The following RB1CC1 variants were observed in gnomAD, a reference collection of about 807,000 sequenced individuals.
RB1CC1 encodes RB1-inducible coiled-coil protein 1.
Under a neutral mutation model 177.5 loss-of-function variants are expected in RB1CC1, and 46 were observed. The ratio of observed to expected loss-of-function variants is 0.26; its 90% confidence interval spans 0.20 to 0.33. RB1CC1 has a LOEUF of 0.33. Ranked by LOEUF, RB1CC1 falls within the 10% of genes least tolerant of loss-of-function variation. RB1CC1 has a pLI of 1.00. For missense variants in RB1CC1, 1,703 were observed against 1,816.3 expected (o/e 0.94, Z 1.13); for synonymous variants, 666 against 613.6 (o/e 1.09, Z -1.26).
Position 52,623,698 on chromosome 8 carries a change from G to T in RB1CC1, c.*84C>A. 2 of 950,194 alleles carry T rather than the reference G, an allele frequency of 2.1e-6. No homozygotes were observed. Among genetic ancestry groups the T allele is most frequent in the Non-Finnish European group, 3.4e-6 (2 of 587,262 alleles). 58.9% of individuals were successfully genotyped at this position (950,194 alleles called of 1,614,324 possible). On this transcript the variant is annotated 3_prime_UTR_variant, in exon 24 of 24. Transcript: ENST00000025008. ...ACGCTGACTTTTGCATAAAAAGATG[G>T]CCTGCTGTTTTTGGAGTGATGAATG...
chr8:52,694,610 A>G (rs1210251352), intron 1 of RB1CC1, among the ~76,000 whole-genome samples: 1 of 152,152 alleles, frequency 6.6e-6, no homozygotes, highest in Admixed American at 6.5e-5. Context: ...CCAAAGCTTA[A>G]GCAACTACAG....
intron 1 of RB1CC1, among the ~76,000 whole-genome samples, chr8:52,711,712 G>C (rs993382573): frequency 1.3e-5 from 2 of 152,194 alleles, no homozygotes; most frequent in African/African-American, 4.8e-5. Context: ...TTGTGAGTTA[G>C]AGCACATTAG....
intron 22 of RB1CC1, among the ~76,000 whole-genome samples, chr8:52,626,989 AGG>A (rs1848442983): frequency 1.3e-5 from 2 of 152,150 alleles, no homozygotes; most frequent in African/African-American, 4.8e-5. Context: ...CAGGAGTTCA[AGG>A]CTACAGTGAC....
At position 52,646,679 on chromosome 8, in the gene RB1CC1, AAG is replaced by A. The variant is rs970334537; in HGVS notation, c.3822-814_3822-813del. Reference sequence around the variant, plus strand: ...TCCTGAACTCATACTCATTTTCCTCAAGACTTACTAACCTCTTAGGGGTTGCT... The same window carrying A: ...TCCTGAACTCATACTCATTTTCCTCAACTTACTAACCTCTTAGGGGTTGCT... On this transcript the variant is annotated intron_variant, in intron 15 of 23. Transcript: ENST00000025008. Among the ~76,000 whole-genome samples, 119 of 152,316 alleles carry A rather than the reference AAG, an allele frequency of 7.8e-4. 1 individual carries two copies. The highest frequency in any genetic ancestry group is 2.7e-3 in the African/African-American group (114 of 41,576).
intron 1 of RB1CC1, among the ~76,000 whole-genome samples, chr8:52,712,637 A>C (rs1857156753): frequency 6.6e-6 from 1 of 152,184 alleles, no homozygotes; most frequent in African/African-American, 2.4e-5. Context: ...AGACTAAATA[A>C]AATTACTTTA....
intron 5 of RB1CC1, among the ~76,000 whole-genome samples, chr8:52,680,994 G>GTGTGTGTGTTT (rs150810028): frequency 2.3e-5 from 3 of 128,626 alleles, no homozygotes; most frequent in African/African-American, 9.5e-5. Context: ...GTGTGTGTGT[G>GTGTGTGTGTTT]TTTTTTTTTT....
At chr8:52,670,496 T>C (rs1852472431) in intron 7 of RB1CC1, among the ~76,000 whole-genome samples, 2 of 152,188 alleles carry the variant, frequency 1.3e-5, no homozygotes, top group Non-Finnish European at 2.9e-5. Flanking sequence ...CTTAAGCCTC[T>C]GACCTTTAAA....
At chr8:52,702,588 C>T (rs1370157824) in intron 1 of RB1CC1, among the ~76,000 whole-genome samples, 5 of 152,020 alleles carry the variant, frequency 3.3e-5, no homozygotes, top group Admixed American at 1.3e-4. Flanking sequence ...TGCTGGCTCT[C>T]GCCTGTAATC....
intron 7 of RB1CC1, among the ~76,000 whole-genome samples, chr8:52,668,446 AT>A (rs1852266124): frequency 6.6e-6 from 1 of 152,210 alleles, no homozygotes; most frequent in African/African-American, 2.4e-5. Context: ...CAGTGCTACA[AT>A]TTAATCACTT....
intron 21 of RB1CC1, among the ~76,000 whole-genome samples, 171 bp downstream of exon 21, chr8:52,630,299 A>G (rs894304364): frequency 2.6e-5 from 4 of 152,192 alleles, no homozygotes; most frequent in African/African-American, 7.2e-5. Context: ...TGTTTCCAGA[A>G]TAACAATTTA....
intron 1 of RB1CC1, among the ~76,000 whole-genome samples, chr8:52,710,447 G>A (rs1216948702): frequency 6.6e-6 from 1 of 152,080 alleles, no homozygotes; most frequent in East Asian, 1.9e-4. Flanking sequence ...CACCCTTCAG[G>A]TTTTTTTCCC....
At chr8:52,684,154 A>C (rs2150597016) in intron 3 of RB1CC1, 141 bp from the exon 4 acceptor site, 1 of 1,000,430 alleles carries the variant, frequency 1.0e-6, no homozygotes, top group East Asian at 2.9e-5. Context: ...TAAAAATATA[A>C]GCTTCCTATT....
At chr8:52,666,876 C>T (rs1226720070) in intron 8 of RB1CC1, among the ~76,000 whole-genome samples, 3 of 151,902 alleles carry the variant, frequency 2.0e-5, no homozygotes, top group Middle Eastern at 3.2e-3. Flanking sequence ...GTAAATGAAA[C>T]GGATATGGTG....
intron 16 of RB1CC1, among the ~76,000 whole-genome samples, chr8:52,644,536 G>A (rs1012876719): frequency 3.7e-4 from 57 of 152,222 alleles, no homozygotes; most frequent in African/African-American, 1.3e-3. Flanking sequence ...TTAGAGAGAG[G>A]TTACTACTGA....
intron 18 of RB1CC1, among the ~76,000 whole-genome samples, chr8:52,640,370 C>T (rs983473520): frequency 1.3e-5 from 2 of 152,098 alleles, no homozygotes; most frequent in Non-Finnish European, 2.9e-5. Flanking sequence ...TAGAAAAGAG[C>T]ATTTTGAATG....
chr8:52,701,909 C>G (rs1856103553), intron 1 of RB1CC1, among the ~76,000 whole-genome samples: 1 of 152,028 alleles, frequency 6.6e-6, no homozygotes, highest in Admixed American at 6.6e-5. Flanking sequence ...CGGGTTCAAG[C>G]AATTCTCCCT....
At chr8:52,660,762 T>C in intron 11 of RB1CC1, 105 bp from the exon 12 acceptor site, 1 of 1,196,156 alleles carries the variant, frequency 8.4e-7, no homozygotes, top group Non-Finnish European at 1.2e-6. Context: ...GTACTTCAAG[T>C]TTAAAATTTA....
intron 18 of RB1CC1, among the ~76,000 whole-genome samples, chr8:52,638,085 T>C (rs1849288408): frequency 6.6e-6 from 1 of 152,200 alleles, no homozygotes; most frequent in Admixed American, 6.5e-5. Context: ...GGGAAAAGCA[T>C]TCAGTCTTAC....
intron 1 of RB1CC1, among the ~76,000 whole-genome samples, chr8:52,707,688 C>G (rs1856704700): frequency 1.3e-5 from 2 of 152,114 alleles, no homozygotes. Flanking sequence ...TCCCTAGCAC[C>G]TTACTGTTGC....
Sources: gnomAD v4.1 joint callset for allele counts (sites outside exome capture counted in the v4.1 genomes callset) on GRCh38, gnomAD v4.1.1 for gene constraint, MANE v1.5 for transcripts, NCBI Gene and HGNC (gene_info 2026-07-23, HGNC 2026-07-21) for gene names.